Variants in MMD2 observed in about 807,000 individuals in gnomAD.
MMD2 encodes monocyte to macrophage differentiation associated 2, also known as monocyte to macrophage differentiation factor 2.
A neutral mutation model predicts 33.5 loss-of-function variants in MMD2; 30 were observed. The observed-to-expected ratio is 0.90, with a 90% CI of 0.67 to 1.22. MMD2 has a LOEUF of 1.22. Ranked by LOEUF, MMD2 falls within the 50% of genes most tolerant of loss-of-function variation. The probability of loss-of-function intolerance (pLI) is 0.00; values close to 1 mark genes in which losing one functional copy is unlikely to be tolerated. For synonymous variants in MMD2, 129 were observed against 123.0 expected, an observed-to-expected ratio of 1.05 and a Z score of -0.32; for missense variants, 364 against 325.4, an observed-to-expected ratio of 1.12 and a Z score of -0.91.
chr7:4,947,538 C>T (rs979713744), intron 1 of MMD2, among the ~76,000 whole-genome samples: 41 of 135,496 alleles, frequency 3.0e-4, no homozygotes, highest in Non-Finnish European at 5.9e-4. Context: ...GGATTACAGG[C>T]GCATGCCTCC....
chr7:4,921,896 A>G (rs1217441907), intron 2 of MMD2, among the ~76,000 whole-genome samples: 2 of 152,056 alleles, frequency 1.3e-5, no homozygotes, highest in African/African-American at 4.8e-5. Context: ...GGGAAGATAG[A>G]AGCCTTGCTG....
At chr7:4,909,421 T>C in intron 6 of MMD2, among the ~76,000 whole-genome samples, 1 of 137,710 alleles carries the variant, frequency 7.3e-6, no homozygotes, top group African/African-American at 2.9e-5. Flanking sequence ...CACAGGGAGA[T>C]CCTGCCTCTA....
chr7:4,901,270 G>A (rs1175410067), downstream of MMD2, among the ~76,000 whole-genome samples: 2 of 151,212 alleles, frequency 1.3e-5, no homozygotes, highest in East Asian at 1.9e-4. Flanking sequence ...GTGAAATCAC[G>A]TCTCTACTAA....
intron 3 of MMD2, among the ~76,000 whole-genome samples, chr7:4,918,871 GCAGATCGCCTGAGCC>G (rs537830492): frequency 6.6e-6 from 1 of 152,094 alleles, no homozygotes; most frequent in East Asian, 1.9e-4. Context: ...GCCAAGGAGG[GCAGATCGCCTGAGCC>G]CAGGAATTCA....
chr7:4,918,518 C>T (rs574237396), intron 3 of MMD2, among the ~76,000 whole-genome samples: 5 of 142,334 alleles, frequency 3.5e-5, no homozygotes, highest in South Asian at 4.4e-4. Context: ...GATTCTCACT[C>T]CGTTGCCTTA....
At chr7:4,939,456 T>C (rs1785841640) in intron 1 of MMD2, among the ~76,000 whole-genome samples, 1 of 151,504 alleles carries the variant, frequency 6.6e-6, no homozygotes. Context: ...GGTGGGAGAA[T>C]AGCTTGAACC....
intron 1 of MMD2, 138 bp downstream of exon 1, chr7:4,958,831 TTC>T: frequency 1.4e-6 from 1 of 723,112 alleles, no homozygotes; most frequent in Non-Finnish European, 1.9e-6. Flanking sequence ...GGTCCTGGTT[TTC>T]TCGGGCGGGG....
In MMD2 at chr7:4,907,271, C is replaced by G; in HGVS notation, c.*125G>C. The G allele has an allele frequency of 1.1e-6, 1 of 904,706 alleles. No homozygotes were observed. The highest frequency in any genetic ancestry group is 1.7e-6 in the Non-Finnish European group (1 of 572,956). 56.0% of individuals were successfully genotyped at this position (904,706 alleles called of 1,614,324 possible). A position where few individuals can be genotyped will look rare whatever the true frequency, so the allele number is the denominator to read the frequency against. On this transcript the variant is annotated 3_prime_UTR_variant, in exon 7 of 7. Transcript: ENST00000401401. Reference sequence around the variant, plus strand: ...TGATCTGGCTGTCACCAGAAGTCACCTTGGAGCCATCAAGAACTCTACCCA... The same window carrying G: ...TGATCTGGCTGTCACCAGAAGTCACGTTGGAGCCATCAAGAACTCTACCCA...
chr7:4,938,649 G>T (rs991689286), intron 1 of MMD2, among the ~76,000 whole-genome samples: 1 of 152,108 alleles, frequency 6.6e-6, no homozygotes, highest in Non-Finnish European at 1.5e-5. Context: ...ACAGCAAGGG[G>T]CAAGGCCAGG....
chr7:4,915,623 C>A (rs1043486464), intron 4 of MMD2, among the ~76,000 whole-genome samples: 2 of 151,728 alleles, frequency 1.3e-5, no homozygotes, highest in African/African-American at 4.8e-5. Context: ...GCCTGTAATC[C>A]CAGCTACTCG....
intron 1 of MMD2, among the ~76,000 whole-genome samples, chr7:4,945,508 C>CTG (rs1786050586): frequency 6.6e-6 from 1 of 151,724 alleles, no homozygotes; most frequent in African/African-American, 2.4e-5. Flanking sequence ...CCTCGTGATC[C>CTG]ACCTACCTTG....
chr7:4,957,173 AAT>A (rs374396898), intron 1 of MMD2, among the ~76,000 whole-genome samples: 26,831 of 126,974 alleles, frequency 0.21, 2,854 homozygotes, highest in South Asian at 0.32. Context: ...CAAAAAAAAA[AAT>A]ATATATATAT....
chr7:4,898,866 T>A, the MMD2 span, among the ~76,000 whole-genome samples: 2 of 151,634 alleles, frequency 1.3e-5, no homozygotes, highest in Non-Finnish European at 2.9e-5. Flanking sequence ...ACTATCGCAC[T>A]CCAGCCTGGG....
intron 1 of MMD2, among the ~76,000 whole-genome samples, chr7:4,937,631 G>T (rs1055049832): frequency 2.0e-5 from 3 of 152,140 alleles, no homozygotes; most frequent in Admixed American, 1.3e-4. Flanking sequence ...GCTTCAGCCT[G>T]CCAAGTAACT....
rs1327025363 is a variant in MMD2, at chr7:4,940,745, G to C, written c.48-15213C>G. On this transcript the variant is annotated intron_variant, in intron 1 of 6. Transcript: ENST00000401401. The surrounding 1 kb of genome is among the most constrained non-coding windows in gnomAD (Gnocchi z 5.0). ...GATGGGAACAGGAAGGGGAAACTGA[G>C]CAAGGGGTGGAAGGGGCCCGGGCTT... Among the ~76,000 whole-genome samples the C allele has an allele frequency of 6.6e-6, 1 of 152,184 alleles. No homozygotes were observed. The highest frequency in any genetic ancestry group is 2.4e-5 in the African/African-American group (1 of 41,454).
chr7:4,925,756 T>A (rs1030228123), intron 1 of MMD2, among the ~76,000 whole-genome samples: 4 of 152,238 alleles, frequency 2.6e-5, no homozygotes, highest in African/African-American at 9.6e-5. Flanking sequence ...TAATCCCCAA[T>A]GCAGTATTTG....
chr7:4,895,836 G>A, the MMD2 span, among the ~76,000 whole-genome samples: 13 of 152,038 alleles, frequency 8.6e-5, no homozygotes, highest in African/African-American at 2.9e-4. Flanking sequence ...GCCCGGCTGA[G>A]CCCAGGCATT....
chr7:4,953,085 C>T (rs558159159), intron 1 of MMD2, among the ~76,000 whole-genome samples: 5 of 151,916 alleles, frequency 3.3e-5, no homozygotes, highest in African/African-American at 7.2e-5. Context: ...AGTAATCCAC[C>T]GGGATTACAG....
intron 2 of MMD2, among the ~76,000 whole-genome samples, chr7:4,920,634 T>C (rs1260455399): frequency 6.7e-6 from 1 of 150,278 alleles, no homozygotes; most frequent in Non-Finnish European, 1.5e-5. Flanking sequence ...CCTTTTTTTC[T>C]TTTCTTTCTC....
Sources: allele counts gnomAD v4.1 joint callset (sites outside exome capture counted in the v4.1 genomes callset), GRCh38; gene constraint gnomAD v4.1.1; non-coding constraint Gnocchi (gnomAD v3.1); transcripts MANE v1.5; gene names NCBI Gene and HGNC (gene_info 2026-07-23, HGNC 2026-07-21).